Variants in SNTB1 observed in about 807,000 individuals in gnomAD.
The protein encoded by SNTB1 is syntrophin beta 1.
Under a neutral mutation model 48.9 loss-of-function variants are expected in SNTB1, and 36 were observed. The observed-to-expected ratio is 0.74, with a 90% CI of 0.56 to 0.97. The LOEUF is 0.97. SNTB1 is among the 50% of genes least tolerant of loss of function. The pLI, the probability that SNTB1 is intolerant of heterozygous loss-of-function variation, is 0.00. For synonymous variants in SNTB1, 299 were observed against 294.6 expected (o/e 1.01, Z -0.15); for missense variants, 786 against 703.4 (o/e 1.12, Z -1.33).
intron 4 of SNTB1, among the ~76,000 whole-genome samples, chr8:120,563,277 C>A (rs570799806): frequency 6.6e-6 from 1 of 150,560 alleles, no homozygotes; most frequent in Admixed American, 6.6e-5. Context: ...TTACTCCATA[C>A]AAGTGAGCAT....
chr8:120,566,566 G>A (rs1815752283), intron 4 of SNTB1, among the ~76,000 whole-genome samples: 1 of 152,114 alleles, frequency 6.6e-6, no homozygotes, highest in East Asian at 1.9e-4. Context: ...TGTTATAGCA[G>A]CCCCAAATGG....
chr8:120,801,033 A>G (rs1473867374), intron 1 of SNTB1, among the ~76,000 whole-genome samples: 1 of 152,058 alleles, frequency 6.6e-6, no homozygotes. Flanking sequence ...ATATAGTCTA[A>G]TATCCTTGGC....
intron 4 of SNTB1, among the ~76,000 whole-genome samples, chr8:120,555,882 A>T (rs1466259976): frequency 6.6e-6 from 1 of 152,170 alleles, no homozygotes; most frequent in Admixed American, 6.5e-5. Flanking sequence ...CCACGTGAGG[A>T]CACAGAAAGA....
At chr8:120,543,464 C>A (rs1441488569) in intron 5 of SNTB1, among the ~76,000 whole-genome samples, 1 of 152,136 alleles carries the variant, frequency 6.6e-6, no homozygotes, top group African/African-American at 2.4e-5. Context: ...GAAGCTGGAA[C>A]ACGGCCCAAT....
intron 1 of SNTB1, among the ~76,000 whole-genome samples, chr8:120,773,176 A>G (rs1239605098): frequency 1.3e-5 from 2 of 152,214 alleles, no homozygotes; most frequent in Non-Finnish European, 2.9e-5. Context: ...AACTTGGGGT[A>G]ATATGGAGGA....
intron 1 of SNTB1, among the ~76,000 whole-genome samples, chr8:120,742,611 C>T (rs1392950576): frequency 6.6e-6 from 1 of 152,200 alleles, no homozygotes; most frequent in African/African-American, 2.4e-5. Flanking sequence ...GTGAACTCTT[C>T]TAAGTCATAT....
chr8:120,792,195 T>C (rs1221952285), intron 1 of SNTB1, among the ~76,000 whole-genome samples: 1 of 151,754 alleles, frequency 6.6e-6, no homozygotes, highest in Admixed American at 6.6e-5. Context: ...ATAATGTCAT[T>C]TGCAGCAACT....
chr8:120,685,907 A>T (rs1371958528), intron 2 of SNTB1, among the ~76,000 whole-genome samples: 1 of 152,186 alleles, frequency 6.6e-6, no homozygotes, highest in African/African-American at 2.4e-5. Flanking sequence ...TCCACCCTCC[A>T]CAAAACTCTA....
chr8:120,685,280 G>T (rs1428439421), intron 2 of SNTB1, among the ~76,000 whole-genome samples: 2 of 152,214 alleles, frequency 1.3e-5, no homozygotes, highest in Non-Finnish European at 2.9e-5. Context: ...TTGCCCTAGT[G>T]GGGGTTCTCT....
chr8:120,770,162 C>T (rs6991394), intron 1 of SNTB1, among the ~76,000 whole-genome samples: 69,666 of 152,042 alleles, frequency 0.46, 19,272 homozygotes, highest in African/African-American at 0.78. Context: ...CATCTGACTC[C>T]ACAGTAGTCA....
intron 3 of SNTB1, among the ~76,000 whole-genome samples, chr8:120,610,481 A>G (rs1451205695): frequency 6.6e-6 from 1 of 152,220 alleles, no homozygotes; most frequent in African/African-American, 2.4e-5. Flanking sequence ...TAATCATCTT[A>G]TAAACCTGGA....
chr8:120,659,315 A>G (rs1817549183), intron 2 of SNTB1, among the ~76,000 whole-genome samples: 1 of 152,126 alleles, frequency 6.6e-6, no homozygotes, highest in Non-Finnish European at 1.5e-5. Flanking sequence ...ATTTTACAAC[A>G]TCTTCACCAG....
At chr8:120,571,980 C>T (rs1356885280) in intron 4 of SNTB1, among the ~76,000 whole-genome samples, 7 of 152,118 alleles carry the variant, frequency 4.6e-5, no homozygotes, top group Admixed American at 4.6e-4. Flanking sequence ...CAATAATTTC[C>T]ATCTTTAGCT....
intron 3 of SNTB1, among the ~76,000 whole-genome samples, chr8:120,607,857 T>C (rs577246204): frequency 6.6e-6 from 1 of 152,304 alleles, no homozygotes; most frequent in South Asian, 2.1e-4. Context: ...GTAACTGATG[T>C]CCACACTTAA....
chr8:120,719,588 C>T (rs1818621273), intron 1 of SNTB1, among the ~76,000 whole-genome samples: 2 of 152,304 alleles, frequency 1.3e-5, no homozygotes, highest in South Asian at 2.1e-4. Flanking sequence ...ATCATTGCTC[C>T]ATGTAATTCT....
chr8:120,593,209 C>T (rs994146093), intron 3 of SNTB1, among the ~76,000 whole-genome samples: 4 of 152,048 alleles, frequency 2.6e-5, no homozygotes, highest in South Asian at 4.1e-4. Flanking sequence ...GTGCCAGGGA[C>T]GATATTCAAA....
chr8:120,695,971 A>G (rs975429851), intron 1 of SNTB1, among the ~76,000 whole-genome samples: 1 of 152,232 alleles, frequency 6.6e-6, no homozygotes, highest in African/African-American at 2.4e-5. Context: ...ATATTTAAAG[A>G]GGAACACAGA....
chr8:120,764,930 A>C (rs7459770), intron 1 of SNTB1, among the ~76,000 whole-genome samples: 1 of 151,730 alleles, frequency 6.6e-6, no homozygotes, highest in African/African-American at 2.4e-5. Context: ...ATTCCAGTTT[A>C]AAAAAAAACT....
At chr8:120,552,404 G>C (rs1815495290) in intron 4 of SNTB1, among the ~76,000 whole-genome samples, 1 of 152,154 alleles carries the variant, frequency 6.6e-6, no homozygotes, top group East Asian at 1.9e-4. Context: ...AGTCACCCAG[G>C]CTGGAGTGCA....
Sources: gnomAD v4.1 joint callset for allele counts (sites outside exome capture counted in the v4.1 genomes callset) on GRCh38, gnomAD v4.1.1 for gene constraint, MANE v1.5 for transcripts, NCBI Gene and HGNC (gene_info 2026-07-23, HGNC 2026-07-21) for gene names.